THG1L: variants seen among roughly 807,000 people sequenced by gnomAD.
THG1L encodes probable tRNA(His) guanylyltransferase.
Under a neutral mutation model 35.2 loss-of-function variants are expected in THG1L, and 27 were observed. The observed-to-expected ratio is 0.77, with a 90% CI of 0.57 to 1.06. The LOEUF (loss-of-function observed/expected upper bound fraction) is 1.06, where lower values mean the gene tolerates loss of function less well. Ranked by LOEUF, THG1L falls within the 50% of genes least tolerant of loss-of-function variation. The probability of loss-of-function intolerance (pLI) is 0.00; values close to 1 mark genes in which losing one functional copy is unlikely to be tolerated. For synonymous variants in THG1L, 135 were observed against 132.4 expected, an observed-to-expected ratio of 1.02 and a Z score of -0.14; for missense variants, 377 against 371.8, an observed-to-expected ratio of 1.01 and a Z score of -0.12.
In THG1L at chr5:157,741,325, C is replaced by T. The variant is rs1180634726; in HGVS notation, c.*1843C>T. On this transcript the variant is annotated 3_prime_UTR_variant, in exon 6 of 6. Transcript: ENST00000231198. ...GCTGGCCTCATCCCTCACTAATTGA[C>T]AACCCATCTGTCGATGCCATTTTTT... 1.3e-5 allele frequency: 2 copies of T among 152,222 alleles called. No individual in the cohort carries two copies. The highest frequency in any genetic ancestry group is 2.9e-5 in the Non-Finnish European group (2 of 68,046). The allele number at this position is 152,222 out of a possible 1,614,324, so 9.4% of individuals were successfully genotyped here. A position where few individuals can be genotyped will look rare whatever the true frequency, so the allele number is the denominator to read the frequency against.
Position 157,735,952 on chromosome 5 carries a change from C to T in THG1L, c.627+18C>T. On this transcript the variant is annotated intron_variant, in intron 4 of 5. Transcript: ENST00000231198. ...GATTACAGGTATAAAGATCTTACTACATTAATACTTAACTGGGGACAGTTC... is the reference window on the plus strand; with the variant it reads ...GATTACAGGTATAAAGATCTTACTATATTAATACTTAACTGGGGACAGTTC... 1 of 1,517,354 alleles carries T rather than the reference C, an allele frequency of 6.6e-7. No homozygotes were observed. Among genetic ancestry groups the T allele is most frequent in the East Asian group, 2.3e-5 (1 of 44,162 alleles). 94.0% of individuals were successfully genotyped at this position (1,517,354 alleles called of 1,614,324 possible).
rs144150421 is a variant in THG1L, at chr5:157,731,516, T to C, written c.76T>C (p.Leu26=). The change falls in exon 1 of 6, where the codon TTG becomes CTG. Residue 26 remains leucine, a synonymous_variant. Coordinates refer to ENST00000231198, the MANE Select transcript of THG1L (RefSeq NM_017872.5). ...CATCACTCTGAGACGGTACCTGAGA[T>C]TGGGGGCGACCATGGCAAAAAGCAA... ...ISITLRRYLR[L]GATMAKSKFE... is the part of the protein sequence containing the mutation. 131 of 1,612,972 alleles carry C rather than the reference T, an allele frequency of 8.1e-5. No individual in the cohort carries two copies. Among genetic ancestry groups the C allele is most frequent in the African/African-American group, 7.6e-4 (57 of 74,994 alleles).
intron 4 of THG1L, among the ~76,000 whole-genome samples, chr5:157,737,123 G>A (rs1217549962): frequency 6.6e-6 from 1 of 152,030 alleles, no homozygotes; most frequent in Non-Finnish European, 1.5e-5. Context: ...ACAATGCCTG[G>A]TACATTATGT....
chr5:157,739,678 T>C lies in THG1L; in HGVS notation c.*196T>C. 1 of 461,106 alleles carries C rather than the reference T, an allele frequency of 2.2e-6. No homozygotes were observed. 28.6% of individuals were successfully genotyped at this position (461,106 alleles called of 1,614,324 possible). On this transcript the variant is annotated 3_prime_UTR_variant, in exon 6 of 6. Transcript: ENST00000231198. ...CTTACTCTGTTTAAGCAGAACACCT[T>C]GTTTGCGGTGTTGGAACATGGTTCC...
chr5:157,734,543 C>G (rs761014463), intron 2 of THG1L, 33 bp from the exon 3 acceptor site: 5 of 1,608,936 alleles, frequency 3.1e-6, no homozygotes, highest in Non-Finnish European at 4.2e-6. Flanking sequence ...TTTTCTTTTT[C>G]TTACTCCACC....
chr5:157,734,654 C>G lies in THG1L; in HGVS notation c.447C>G (p.Pro149=). The stretch of plus-strand genomic sequence containing the variant: ...GGCGGGATTACTTTGAGGACCAGCC[C>G]CTTCTGTATCCCCCAGGCTTTGACG... The part of the protein sequence containing the change: ...FYWRDYFEDQ[P]LLYPPGFDGR... The change falls in exon 3 of 6, where the codon CCC becomes CCG. Residue 149 remains proline, a synonymous_variant. Transcript: ENST00000231198. The G allele has an allele frequency of 6.2e-7, 1 of 1,614,066 alleles. No individual in the cohort carries two copies. Among genetic ancestry groups the G allele is most frequent in the Non-Finnish European group, 8.5e-7 (1 of 1,179,972 alleles).
intron 2 of THG1L, among the ~76,000 whole-genome samples, chr5:157,733,610 C>T (rs1474043826): frequency 6.6e-6 from 1 of 151,514 alleles, no homozygotes; most frequent in Non-Finnish European, 1.5e-5. Flanking sequence ...GGATTACAGA[C>T]ATGAGCCACC....
At chr5:157,733,106 T>C in intron 2 of THG1L, 62 bp downstream of exon 2, 2 of 1,584,854 alleles carry the variant, frequency 1.3e-6, no homozygotes, top group East Asian at 4.5e-5. Context: ...GTTTTCTGTT[T>C]ATCTTAATCG....
At chr5:157,734,298 G>A (rs1303408242) in intron 2 of THG1L, among the ~76,000 whole-genome samples, 1 of 152,154 alleles carries the variant, frequency 6.6e-6, no homozygotes, top group African/African-American at 2.4e-5. Flanking sequence ...TGAGGCAGGA[G>A]AATCACTTGA....
At chr5:157,735,992 C>A in intron 4 of THG1L, 58 bp downstream of exon 4, 2 of 1,181,096 alleles carry the variant, frequency 1.7e-6, no homozygotes, top group South Asian at 2.7e-5. Context: ...TAGGCTCTCC[C>A]ATAACTTTTT....
At chr5:157,739,005 C>T (rs1200669188) in intron 5 of THG1L, among the ~76,000 whole-genome samples, 1 of 151,878 alleles carries the variant, frequency 6.6e-6, no homozygotes, top group African/African-American at 2.4e-5. Flanking sequence ...AACTCCTGAC[C>T]TCAAGTGATC....
rs1402450438 is a variant in THG1L at position 157,741,242 on chromosome 5, T to G, written c.*1760T>G. The G allele has an allele frequency of 6.6e-6, 1 of 152,108 alleles. No homozygotes were observed. Among genetic ancestry groups the G allele is most frequent in the Non-Finnish European group, 1.5e-5 (1 of 68,058 alleles). The allele number at this position is 152,108 out of a possible 1,614,324, so 9.4% of individuals were successfully genotyped here. A position where few individuals can be genotyped will look rare whatever the true frequency, so the allele number is the denominator to read the frequency against. On this transcript the variant is annotated 3_prime_UTR_variant, in exon 6 of 6. Coordinates refer to ENST00000231198, the MANE Select transcript of THG1L (RefSeq NM_017872.5). ...AAGAGACAGCCCGTGTCCCAGTCCC[T>G]CGTCTTGCACTGCAGAATTTACATC...
rs1260925760 is a variant in THG1L at position 157,739,741 on chromosome 5, T to C, written c.*259T>C. On this transcript the variant is annotated 3_prime_UTR_variant, in exon 6 of 6. Coordinates refer to ENST00000231198, the MANE Select transcript of THG1L (RefSeq NM_017872.5). ...GCTTTTTTTTTAATCGCAGTACTAT[T>C]TTTATAAAGCAAGAACTATTCCATG... 1 of 323,244 alleles carries C rather than the reference T, an allele frequency of 3.1e-6. No homozygotes were observed. The highest frequency in any genetic ancestry group is 5.6e-6 in the Non-Finnish European group (1 of 178,976). 20.0% of individuals were successfully genotyped at this position (323,244 alleles called of 1,614,324 possible).
chr5:157,736,251 C>CT (rs71577334), intron 4 of THG1L, among the ~76,000 whole-genome samples: 48,281 of 141,380 alleles, frequency 0.34, 8,303 homozygotes, highest in East Asian at 0.54. Context: ...TCAGCACTGA[C>CT]TTTTTTTTTT....
intron 1 of THG1L, among the ~76,000 whole-genome samples, chr5:157,732,215 C>CAAAAAAAAAAAAAAAA (rs34744387): frequency 1.1e-4 from 6 of 53,900 alleles, no homozygotes; most frequent in African/African-American, 1.8e-4. Flanking sequence ...TCCGCCACTA[C>CAAAAAAAAAAAAAAAA]AAAAAAAAAA....
chr5:157,731,949 T>C (rs1164480982), intron 1 of THG1L, among the ~76,000 whole-genome samples: 5 of 152,194 alleles, frequency 3.3e-5, no homozygotes, highest in Non-Finnish European at 7.4e-5. Flanking sequence ...TTTAAGCTCT[T>C]AAGCCAATTG....
chr5:157,740,902 CAA>C lies in THG1L; in HGVS notation c.*1435_*1436del, dbSNP rs376120882. 19 of 116,550 alleles carry C rather than the reference CAA, an allele frequency of 1.6e-4. No homozygotes were observed. The highest frequency in any genetic ancestry group is 1.7e-4 in the African/African-American group (5 of 30,302). The allele number at this position is 116,550 out of a possible 1,614,324, so 7.2% of individuals were successfully genotyped here. A position where few individuals can be genotyped will look rare whatever the true frequency, so the allele number is the denominator to read the frequency against. On this transcript the variant is annotated 3_prime_UTR_variant, in exon 6 of 6. Transcript: ENST00000231198. ...CTGGGCAACGAGCGAAACTACATCT[CAA>C]AAAAAAAAAAAAAAGACATGGCTGG...
chr5:157,735,027 TC>T, intron 3 of THG1L, among the ~76,000 whole-genome samples: 1 of 152,040 alleles, frequency 6.6e-6, no homozygotes, highest in East Asian at 1.9e-4. Context: ...AACCTCCACC[TC>T]CTGGGTTCAT....
In THG1L at chr5:157,732,265, AG is replaced by A. The variant is rs753068947; in HGVS notation, c.192-601del. Among the ~76,000 whole-genome samples the A allele has an allele frequency of 3.0e-4, 44 of 147,112 alleles. 1 individual carries two copies. The East Asian group carries it at 8.4e-3, about 28-fold the overall frequency. ...AAAAAGAGAGAGAGAGAGAGAAAGA[AG>A]GAAGAGAGAAAGAAAGAAAAAGAAA... is the stretch of plus-strand genomic sequence containing the variant. On this transcript the variant is annotated intron_variant, in intron 1 of 5. Coordinates refer to ENST00000231198, the MANE Select transcript of THG1L (RefSeq NM_017872.5).
Sources: allele counts gnomAD v4.1 joint callset (sites outside exome capture counted in the v4.1 genomes callset), GRCh38; gene constraint gnomAD v4.1.1; transcripts MANE v1.5; gene names NCBI Gene and HGNC (gene_info 2026-07-23, HGNC 2026-07-21).